Variants in COL4A2 observed in about 807,000 individuals in gnomAD.
COL4A2 encodes the protein collagen alpha-2(IV) chain.
COL4A2 carries 99 observed loss-of-function variants against 200.2 expected under a neutral mutation model. That is an observed-to-expected ratio of 0.49 (90% CI 0.42 to 0.58). COL4A2 has a LOEUF of 0.58. COL4A2 is among the 20% of genes least tolerant of loss of function. COL4A2 has a pLI of 0.00. For missense variants in COL4A2, 1,950 were observed against 2,314.1 expected (o/e 0.84, Z 3.23); for synonymous variants, 897 against 900.6 (o/e 1.00, Z 0.07).
intron 4 of COL4A2, among the ~76,000 whole-genome samples, chr13:110,421,913 C>T (rs1328841517): frequency 2.0e-5 from 3 of 152,264 alleles, no homozygotes; most frequent in South Asian, 4.1e-4. Context: ...GAAGGGTTGA[C>T]GAATGCAGAT....
At chr13:110,343,234 T>C (rs1473305461) in intron 3 of COL4A2, among the ~76,000 whole-genome samples, 1 of 152,072 alleles carries the variant, frequency 6.6e-6, no homozygotes, top group Non-Finnish European at 1.5e-5. Context: ...ACTGTTGAAA[T>C]ATCCAGGTAG....
intron 47 of COL4A2, among the ~76,000 whole-genome samples, chr13:110,511,628 T>C (rs1282184580): frequency 6.6e-6 from 1 of 152,254 alleles, no homozygotes; most frequent in Non-Finnish European, 1.5e-5. Context: ...GGATTATATC[T>C]ACCGCTCGTA....
At chr13:110,422,995 T>C (rs1880312746) in intron 4 of COL4A2, among the ~76,000 whole-genome samples, 2 of 151,710 alleles carry the variant, frequency 1.3e-5, no homozygotes, top group Admixed American at 6.6e-5. Context: ...ACCTAGGAAG[T>C]TACCTAGAGG....
chr13:110,455,847 GTGTGTAACGGCCTCATCCCC>G (rs1881711490), intron 20 of COL4A2, among the ~76,000 whole-genome samples: 1 of 152,190 alleles, frequency 6.6e-6, no homozygotes, highest in Non-Finnish European at 1.5e-5. Flanking sequence ...TCACCTTCCT[GTGTGTAACGGCCTCATCCCC>G]TGCTCCTCTC....
chr13:110,311,092 G>A (rs532078302), intron 3 of COL4A2, among the ~76,000 whole-genome samples: 1 of 152,234 alleles, frequency 6.6e-6, no homozygotes, highest in Admixed American at 6.5e-5. Flanking sequence ...TGGACTAACA[G>A]TGGAGCGGGC....
intron 4 of COL4A2, among the ~76,000 whole-genome samples, chr13:110,419,989 G>A (rs1880185834): frequency 6.6e-6 from 1 of 152,208 alleles, no homozygotes; most frequent in Non-Finnish European, 1.5e-5. Flanking sequence ...TGCCAGGATG[G>A]GGGTTATGGT....
In COL4A2 at chr13:110,466,044, CA is replaced by C; in HGVS notation, c.2021del (p.Gln674ArgfsTer9). On this transcript the variant is annotated frameshift_variant, in exon 26 of 48. Coordinates refer to ENST00000360467, the MANE Select transcript of COL4A2 (RefSeq NM_001846.4). LOFTEE classifies it high-confidence loss of function. Reference sequence around the variant, plus strand: ...GAAAAGGGCCGTTGGAGGTGACAGACAGGAGGCCATCCAGCCAGGTACTCTG... The same window carrying C: ...GAAAAGGGCCGTTGGAGGTGACAGACGGAGGCCATCCAGCCAGGTACTCTG... The part of the protein sequence containing the change: ...DVKRAVGGDR[Q>X]EAIQPGCIGG... The C allele has an allele frequency of 6.2e-7, 1 of 1,613,826 alleles. No homozygotes were observed. Among genetic ancestry groups the C allele is most frequent in the Non-Finnish European group, 8.5e-7 (1 of 1,179,730 alleles).
chr13:110,310,230 G>C (rs1028856029), intron 3 of COL4A2, among the ~76,000 whole-genome samples: 2 of 152,166 alleles, frequency 1.3e-5, no homozygotes, highest in Non-Finnish European at 2.9e-5. Context: ...TTGCCCAGCA[G>C]AGCTTCTCAA....
In COL4A2 at chr13:110,357,578, A is replaced by G. The variant is rs752099559; in HGVS notation, c.180+26A>G. 3.5e-5 allele frequency: 55 copies of G among 1,558,536 alleles called. No individual in the cohort carries two copies. The Middle Eastern group carries it at 6.7e-4, about 19-fold the overall frequency. ...GTAAGTCACAGCATTGCAATAAATA[A>G]TATTATCTTCCTCATACAGTCATGC... On this transcript the variant is annotated intron_variant, in intron 4 of 47. Coordinates refer to ENST00000360467, the MANE Select transcript of COL4A2 (RefSeq NM_001846.4).
chr13:110,348,541 T>C (rs1401709745), intron 3 of COL4A2, among the ~76,000 whole-genome samples: 1 of 152,250 alleles, frequency 6.6e-6, no homozygotes, highest in Non-Finnish European at 1.5e-5. Flanking sequence ...AGAACTTTAC[T>C]GAGAACCTTG....
chr13:110,337,075 T>C (rs1231681604), intron 3 of COL4A2, among the ~76,000 whole-genome samples: 1 of 152,240 alleles, frequency 6.6e-6, no homozygotes, highest in Non-Finnish European at 1.5e-5. Context: ...GAAAACAGAC[T>C]GCGTTTATCT....
intron 16 of COL4A2, among the ~76,000 whole-genome samples, chr13:110,444,406 G>T (rs926332987): frequency 6.6e-6 from 1 of 152,202 alleles, no homozygotes; most frequent in Non-Finnish European, 1.5e-5. Context: ...GTCATGCCAG[G>T]TACTTGAGGA....
intron 4 of COL4A2, among the ~76,000 whole-genome samples, chr13:110,379,699 ATTAG>A (rs1221193350): frequency 1.3e-5 from 2 of 152,110 alleles, no homozygotes; most frequent in Non-Finnish European, 2.9e-5. Flanking sequence ...TGCTGGGCAC[ATTAG>A]TTAATCTCTT....
chr13:110,365,995 C>A (rs1358103817), intron 4 of COL4A2, among the ~76,000 whole-genome samples: 5 of 152,130 alleles, frequency 3.3e-5, no homozygotes. Flanking sequence ...TAAACTAGAG[C>A]AAAAGGAATT....
chr13:110,468,512 G>A (rs550760000), intron 27 of COL4A2, among the ~76,000 whole-genome samples: 35 of 152,094 alleles, frequency 2.3e-4, no homozygotes, highest in Non-Finnish European at 4.0e-4. Flanking sequence ...CTGAGGCTCC[G>A]GGGCTCCCCC....
chr13:110,386,271 C>T (rs77094625), intron 4 of COL4A2, among the ~76,000 whole-genome samples: 625 of 151,530 alleles, frequency 4.1e-3, no homozygotes, highest in Middle Eastern at 0.041. Flanking sequence ...CTGACTGCAC[C>T]GAGCAACCTT....
At chr13:110,432,790 T>C (rs1880730086) in intron 11 of COL4A2, among the ~76,000 whole-genome samples, 1 of 152,244 alleles carries the variant, frequency 6.6e-6, no homozygotes, top group African/African-American at 2.4e-5. Context: ...AGGAGTCTAA[T>C]GTCAGCCTCT....
intron 18 of COL4A2, among the ~76,000 whole-genome samples, chr13:110,447,429 G>A (rs1038481834): frequency 3.9e-5 from 6 of 152,134 alleles, no homozygotes; most frequent in African/African-American, 1.4e-4. Context: ...AGGACTTTGC[G>A]CATGTCGTCA....
rs767641445 is a variant in COL4A2 at position 110,307,951 on chromosome 13, A to G, written c.44+4A>G. On this transcript the variant is annotated splice_donor_region_variant and intron_variant, in intron 2 of 47. Transcript: ENST00000360467. The surrounding 1 kb of genome is among the most constrained non-coding windows in gnomAD (Gnocchi z 5.0). ...TGGCCGGCCCTGCCCTACGGCGGTAAGCGACTTTCTGCCTGGTCCCCGTGG... is the reference window on the plus strand; with the variant it reads ...TGGCCGGCCCTGCCCTACGGCGGTAGGCGACTTTCTGCCTGGTCCCCGTGG... 1.2e-6 allele frequency: 2 copies of G among 1,612,804 alleles called. No homozygotes were observed. The highest frequency in any genetic ancestry group is 1.7e-6 in the Non-Finnish European group (2 of 1,179,680).
Sources: gnomAD v4.1 joint callset for allele counts (sites outside exome capture counted in the v4.1 genomes callset) on GRCh38, gnomAD v4.1.1 for gene constraint, Gnocchi (gnomAD v3.1) non-coding constraint, MANE v1.5 for transcripts, NCBI Gene and HGNC (gene_info 2026-07-23, HGNC 2026-07-21) for gene names.